The following WWOX variants were observed in gnomAD, a reference collection of about 807,000 sequenced individuals.
WWOX encodes the protein WW domain-containing oxidoreductase.
Under a neutral mutation model 46.2 loss-of-function variants are expected in WWOX, and 69 were observed. That is an observed-to-expected ratio of 1.49 (90% CI 1.23 to 1.82). WWOX has a LOEUF of 1.82. Among genes scored for constraint, WWOX ranks in the 40% most tolerant of loss-of-function variants. The pLI, the probability that WWOX is intolerant of heterozygous loss-of-function variation, is 0.00. For synonymous variants in WWOX, 359 were observed against 202.6 expected, an observed-to-expected ratio of 1.77 and a Z score of -6.56; for missense variants, 919 against 542.6, an observed-to-expected ratio of 1.69 and a Z score of -6.89.
chr16:78,205,715 G>A (rs2036368127), intron 5 of WWOX, among the ~76,000 whole-genome samples: 1 of 151,416 alleles, frequency 6.6e-6, no homozygotes, highest in Non-Finnish European at 1.5e-5. Flanking sequence ...ATCCATCCAT[G>A]CATCCTTCCT....
intron 5 of WWOX, among the ~76,000 whole-genome samples, chr16:78,268,249 G>T (rs1253948112): frequency 2.0e-5 from 3 of 152,144 alleles, no homozygotes; most frequent in East Asian, 1.9e-4. Context: ...TAAAAAAAAA[G>T]TAGCATTCTA....
At chr16:78,927,813 G>A (rs2045533002) in intron 8 of WWOX, among the ~76,000 whole-genome samples, 2 of 152,064 alleles carry the variant, frequency 1.3e-5, no homozygotes, top group South Asian at 4.1e-4. Context: ...GTCTTTCTTT[G>A]GAAGGCAGAT....
chr16:79,179,284 C>G (rs1451972857), intron 8 of WWOX, among the ~76,000 whole-genome samples: 1 of 152,186 alleles, frequency 6.6e-6, no homozygotes, highest in African/African-American at 2.4e-5. Flanking sequence ...AACATAAAAA[C>G]CGATTACAAC....
intron 8 of WWOX, among the ~76,000 whole-genome samples, chr16:78,715,818 A>C (rs1315968136): frequency 6.6e-6 from 1 of 152,142 alleles, no homozygotes; most frequent in East Asian, 1.9e-4. Flanking sequence ...GCTTTTCTAG[A>C]ATCTATCAAC....
At position 78,772,564 on chromosome 16, in the gene WWOX, T is replaced by G. The variant is rs997077188; in HGVS notation, c.1056+339812T>G. On this transcript the variant is annotated intron_variant, in intron 8 of 8. Transcript: ENST00000566780. The stretch of plus-strand genomic sequence containing the variant: ...AGTGTGAAGTTATTATCTTCCCTTT[T>G]GTAGGTAACAAATACTTTGGAAGAG... 8.5e-5 allele frequency among the ~76,000 whole-genome samples: 13 copies of G among 152,346 alleles called. No individual in the cohort carries two copies. The East Asian group carries it at 1.5e-3, about 18-fold the overall frequency.
chr16:78,538,078 C>G (rs1393778136), intron 8 of WWOX, among the ~76,000 whole-genome samples: 1 of 151,916 alleles, frequency 6.6e-6, no homozygotes, highest in Non-Finnish European at 1.5e-5. Context: ...TTGAGCGGCA[C>G]AGAAGGGGGT....
At chr16:79,061,584 G>C (rs989875762) in intron 8 of WWOX, among the ~76,000 whole-genome samples, 2 of 152,176 alleles carry the variant, frequency 1.3e-5, no homozygotes, top group Non-Finnish European at 2.9e-5. Flanking sequence ...CAGAGACACT[G>C]GGACAGAGAA....
intron 8 of WWOX, among the ~76,000 whole-genome samples, chr16:78,609,985 A>T (rs962052770): frequency 4.8e-5 from 7 of 145,328 alleles, no homozygotes; most frequent in African/African-American, 1.8e-4. Context: ...CCTTTAAGTA[A>T]CAGTGACGCA....
intron 8 of WWOX, among the ~76,000 whole-genome samples, chr16:78,959,306 A>G (rs1160667622): frequency 1.3e-5 from 2 of 152,246 alleles, no homozygotes; most frequent in African/African-American, 2.4e-5. Context: ...TGTATTTTTT[A>G]CCTGTTGCTA....
intron 8 of WWOX, among the ~76,000 whole-genome samples, chr16:79,073,606 A>G (rs2048593371): frequency 6.6e-6 from 1 of 152,202 alleles, no homozygotes; most frequent in South Asian, 2.1e-4. Context: ...GTGTCTTCAA[A>G]TGTCTGTTCT....
At chr16:79,178,163 T>C (rs1006309804) in intron 8 of WWOX, among the ~76,000 whole-genome samples, 1 of 152,194 alleles carries the variant, frequency 6.6e-6, no homozygotes, top group Non-Finnish European at 1.5e-5. Flanking sequence ...GATGCAAACC[T>C]TCAGACCATA....
In WWOX at chr16:78,449,770, AG is replaced by A. The variant is rs1356116676; in HGVS notation, c.1056+17019del. Among the ~76,000 whole-genome samples the A allele has an allele frequency of 2.0e-5, 3 of 152,316 alleles. No individual in the cohort carries two copies. The East Asian group carries it at 5.8e-4, about 29-fold the overall frequency. ...TGGTAGATAATGTATCCTAAAGTCAAGTATTTGCTTTCATGTTGCTTTAGTA... is the reference window on the plus strand; with the variant it reads ...TGGTAGATAATGTATCCTAAAGTCAATATTTGCTTTCATGTTGCTTTAGTA... On this transcript the variant is annotated intron_variant, in intron 8 of 8. Transcript: ENST00000566780.
intron 8 of WWOX, among the ~76,000 whole-genome samples, chr16:78,977,399 G>A (rs1193532748): frequency 6.6e-6 from 1 of 152,126 alleles, no homozygotes; most frequent in Non-Finnish European, 1.5e-5. Context: ...AGTTTGTGGG[G>A]TGGCACTCTT....
chr16:78,765,346 C>G (rs909260627), intron 8 of WWOX, among the ~76,000 whole-genome samples: 2 of 152,204 alleles, frequency 1.3e-5, no homozygotes, highest in African/African-American at 4.8e-5. Flanking sequence ...GGGCTTTGCT[C>G]TGACTTCAGG....
chr16:78,747,138 T>G (rs1040009117), intron 8 of WWOX, among the ~76,000 whole-genome samples: 1 of 151,894 alleles, frequency 6.6e-6, no homozygotes, highest in African/African-American at 2.4e-5. Flanking sequence ...AAGGCTTTTG[T>G]ACATGTTGTT....
chr16:78,968,176 T>C (rs116207651), intron 8 of WWOX, among the ~76,000 whole-genome samples: 5,016 of 147,990 alleles, frequency 0.034, 308 homozygotes, highest in African/African-American at 0.12. Context: ...GCGCGTGGTC[T>C]GCGTGGCACA....
At chr16:78,144,470 T>TATATATATATATATATATATATACAC (rs2034113314) in intron 4 of WWOX, among the ~76,000 whole-genome samples, 3 of 26,614 alleles carry the variant, frequency 1.1e-4, no homozygotes, top group Non-Finnish European at 2.0e-4. Context: ...TATACACACA[T>TATATATATATATATATATATATACAC]ATATATATAT....
At chr16:78,400,394 C>T (rs1323126545) in intron 6 of WWOX, among the ~76,000 whole-genome samples, 1 of 152,156 alleles carries the variant, frequency 6.6e-6, no homozygotes, top group Non-Finnish European at 1.5e-5. Flanking sequence ...CAGGGCGGTT[C>T]CCCAGCTTGG....
At chr16:78,510,364 C>T (rs12597166) in intron 8 of WWOX, among the ~76,000 whole-genome samples, 6,543 of 152,144 alleles carry the variant, frequency 0.043, 291 homozygotes, top group East Asian at 0.16. Flanking sequence ...CACCACCATG[C>T]ACAGCTAATT....
Sources: allele counts gnomAD v4.1 joint callset (sites outside exome capture counted in the v4.1 genomes callset), GRCh38; gene constraint gnomAD v4.1.1; transcripts MANE v1.5; gene names NCBI Gene and HGNC (gene_info 2026-07-23, HGNC 2026-07-21).